Variants in CLVS1 observed in about 807,000 individuals in gnomAD.
CLVS1 encodes clavesin-1.
Under a neutral mutation model 33.1 loss-of-function variants are expected in CLVS1, and 10 were observed. The observed-to-expected ratio is 0.30, with a 90% CI of 0.19 to 0.51. The LOEUF (loss-of-function observed/expected upper bound fraction) is 0.51, where lower values mean the gene tolerates loss of function less well. CLVS1 is among the 20% of genes least tolerant of loss of function. CLVS1 has a pLI of 0.97. For missense variants in CLVS1, 343 were observed against 433.4 expected, an observed-to-expected ratio of 0.79 and a Z score of 1.85; for synonymous variants, 163 against 166.1, an observed-to-expected ratio of 0.98 and a Z score of 0.14.
chr8:61,361,464 G>A (rs1450469740), intron 2 of CLVS1, among the ~76,000 whole-genome samples: 1 of 152,106 alleles, frequency 6.6e-6, no homozygotes, highest in Non-Finnish European at 1.5e-5. Context: ...ATACCTCAAA[G>A]GACATTCTCC....
chr8:61,240,461 C>A (rs1185235666), intron 2 of CLVS1, among the ~76,000 whole-genome samples: 3 of 152,216 alleles, frequency 2.0e-5, no homozygotes, highest in African/African-American at 7.2e-5. Flanking sequence ...ACCCTCTGTA[C>A]ATCACTTTGA....
At chr8:61,185,713 A>G (rs1420840523) in intron 2 of CLVS1, among the ~76,000 whole-genome samples, 2 of 152,182 alleles carry the variant, frequency 1.3e-5, no homozygotes, top group African/African-American at 4.8e-5. Context: ...GGAGCCAGAA[A>G]TCTTGGTTTT....
intron 1 of CLVS1, 153 bp downstream of exon 1, chr8:61,288,291 C>T (rs1026691017): frequency 2.0e-5 from 9 of 455,894 alleles, no homozygotes; most frequent in Non-Finnish European, 3.5e-5. Context: ...CCGCACCGCA[C>T]CCCGCTCCCC....
intron 1 of CLVS1, 152 bp downstream of exon 1, chr8:61,288,290 ACCCCGCT>A: frequency 2.2e-6 from 1 of 455,240 alleles, no homozygotes; most frequent in Non-Finnish European, 4.4e-6. Flanking sequence ...CCCGCACCGC[ACCCCGCT>A]CCCCGCCGCC....
intron 2 of CLVS1, among the ~76,000 whole-genome samples, chr8:61,194,190 A>G (rs1012363962): frequency 1.3e-5 from 2 of 152,116 alleles, no homozygotes; most frequent in Non-Finnish European, 2.9e-5. Context: ...AAAATGGTAC[A>G]TTTATCCTAA....
chr8:61,058,613 C>G (rs1308161847), intron 1 of CLVS1, among the ~76,000 whole-genome samples: 2 of 152,180 alleles, frequency 1.3e-5, no homozygotes, highest in Non-Finnish European at 2.9e-5. Flanking sequence ...ATATGCCATA[C>G]TACCATGCAA....
intron 2 of CLVS1, among the ~76,000 whole-genome samples, chr8:61,332,155 G>A (rs544511826): frequency 6.6e-6 from 1 of 152,306 alleles, no homozygotes; most frequent in African/African-American, 2.4e-5. Context: ...GCTTTCTGGG[G>A]GCTGAGTGAG....
chr8:61,079,799 A>C (rs1024017800), intron 1 of CLVS1, among the ~76,000 whole-genome samples: 19 of 151,854 alleles, frequency 1.3e-4, no homozygotes, highest in African/African-American at 4.6e-4. Context: ...GAAAAAAAAA[A>C]CACGTCAATA....
At chr8:61,352,931 A>G (rs971553220) in intron 2 of CLVS1, among the ~76,000 whole-genome samples, 4 of 152,068 alleles carry the variant, frequency 2.6e-5, no homozygotes, top group African/African-American at 7.2e-5. Flanking sequence ...TGTAAATACT[A>G]TACCATTTTG....
At chr8:61,348,702 C>T (rs564785953) in intron 2 of CLVS1, among the ~76,000 whole-genome samples, 5 of 152,088 alleles carry the variant, frequency 3.3e-5, no homozygotes, top group East Asian at 1.9e-4. Context: ...GGTATCTCTT[C>T]GACATACTGA....
At chr8:61,472,966 G>C (rs1025051114) in intron 5 of CLVS1, among the ~76,000 whole-genome samples, 1 of 152,086 alleles carries the variant, frequency 6.6e-6, no homozygotes, top group African/African-American at 2.4e-5. Flanking sequence ...TCTATGAAGG[G>C]GGACAGACTT....
chr8:61,273,979 C>G (rs994022635), intron 2 of CLVS1: 1 of 158,544 alleles, frequency 6.3e-6, no homozygotes, highest in African/African-American at 2.4e-5. Flanking sequence ...GAGCTGTAGA[C>G]CGGAGCTGTT....
At chr8:61,071,912 T>TCA (rs147358648) in intron 1 of CLVS1, among the ~76,000 whole-genome samples, 25 of 151,804 alleles carry the variant, frequency 1.6e-4, no homozygotes, top group East Asian at 5.8e-4. Flanking sequence ...TTGTTTAATT[T>TCA]CACACACACA....
At chr8:60,995,951 G>T in the CLVS1 span, among the ~76,000 whole-genome samples, 1 of 152,116 alleles carries the variant, frequency 6.6e-6, no homozygotes, top group Non-Finnish European at 1.5e-5. Context: ...TCATAGGTGG[G>T]AATTGAACAA....
intron 2 of CLVS1, among the ~76,000 whole-genome samples, chr8:61,367,936 T>C (rs759694945): frequency 1.8e-4 from 27 of 152,232 alleles, no homozygotes; most frequent in Non-Finnish European, 2.6e-4. Context: ...TGACTCCTTA[T>C]TGCAGTTGCA....
chr8:61,496,552 C>T (rs967703084), intron 5 of CLVS1, among the ~76,000 whole-genome samples: 1 of 152,138 alleles, frequency 6.6e-6, no homozygotes, highest in Non-Finnish European at 1.5e-5. Flanking sequence ...TAAACTACAA[C>T]CTAGAGCTTC....
chr8:61,207,264 A>G (rs922083088), intron 2 of CLVS1, among the ~76,000 whole-genome samples: 2 of 152,128 alleles, frequency 1.3e-5, no homozygotes, highest in Non-Finnish European at 2.9e-5. Context: ...TCAGAGGTGC[A>G]TGGGCTCAAG....
intron 2 of CLVS1, among the ~76,000 whole-genome samples, chr8:61,216,174 T>C (rs1234162833): frequency 6.6e-6 from 1 of 152,238 alleles, no homozygotes; most frequent in Non-Finnish European, 1.5e-5. Flanking sequence ...GTACACTGGC[T>C]TCTCTCACAG....
intron 5 of CLVS1, among the ~76,000 whole-genome samples, chr8:61,475,119 C>CATG (rs770695907): frequency 2.0e-5 from 3 of 152,214 alleles, no homozygotes; most frequent in Non-Finnish European, 4.4e-5. Context: ...CTACAAAGGA[C>CATG]ATGAACTCAT....
Sources: allele counts gnomAD v4.1 joint callset (sites outside exome capture counted in the v4.1 genomes callset), GRCh38; gene constraint gnomAD v4.1.1; transcripts MANE v1.5; gene names NCBI Gene and HGNC (gene_info 2026-07-23, HGNC 2026-07-21).